Variants in ZNF804B observed in about 807,000 individuals in gnomAD.
ZNF804B encodes zinc finger protein 804B, also known as zinc finger 804B.
In ZNF804B, 80 loss-of-function variants were observed where a neutral mutation model predicts 101.4. The ratio of observed to expected loss-of-function variants is 0.79; its 90% CI spans 0.66 to 0.95. ZNF804B has a LOEUF of 0.95. Ranked by LOEUF, ZNF804B falls within the 40% of genes least tolerant of loss-of-function variation. The pLI is 0.00. For synonymous variants in ZNF804B, 622 were observed against 558.8 expected (o/e 1.11, Z -1.59); for missense variants, 1,673 against 1,561.9 (o/e 1.07, Z -1.20).
chr7:88,766,622 C>A (rs766740924), intron 1 of ZNF804B, among the ~76,000 whole-genome samples: 26 of 152,216 alleles, frequency 1.7e-4, no homozygotes, highest in Non-Finnish European at 3.4e-4. Flanking sequence ...CATGATATAC[C>A]CTTCTCTGCT....
intron 2 of ZNF804B, among the ~76,000 whole-genome samples, chr7:89,234,483 G>A (rs1216114765): frequency 2.0e-5 from 3 of 152,058 alleles, no homozygotes; most frequent in Non-Finnish European, 4.4e-5. Flanking sequence ...CACCTGTGAT[G>A]GTTAATATTA....
chr7:88,889,968 G>A (rs1473615057), intron 1 of ZNF804B, among the ~76,000 whole-genome samples: 2 of 151,990 alleles, frequency 1.3e-5, no homozygotes, highest in African/African-American at 4.8e-5. Flanking sequence ...GAGAGATAGG[G>A]GTCTAGTTTC....
intron 1 of ZNF804B, among the ~76,000 whole-genome samples, chr7:89,130,925 G>A (rs1345948933): frequency 2.0e-5 from 3 of 151,910 alleles, no homozygotes; most frequent in South Asian, 2.1e-4. Context: ...GGAACTGAAC[G>A]ACCAAAGTTT....
chr7:88,876,998 G>GAAA (rs1161171786), intron 1 of ZNF804B, among the ~76,000 whole-genome samples: 654 of 53,720 alleles, frequency 0.012, 22 homozygotes, highest in East Asian at 0.069. Flanking sequence ...GAGAATATTT[G>GAAA]AAAAAAAAAA....
At chr7:88,949,615 A>G (rs1314090044) in intron 1 of ZNF804B, among the ~76,000 whole-genome samples, 1 of 151,872 alleles carries the variant, frequency 6.6e-6, no homozygotes, top group Non-Finnish European at 1.5e-5. Context: ...CTATTGACCA[A>G]TTTATCTAAA....
chr7:89,157,453 T>C (rs1380082379), intron 1 of ZNF804B, among the ~76,000 whole-genome samples: 3 of 152,180 alleles, frequency 2.0e-5, no homozygotes, highest in Non-Finnish European at 4.4e-5. Context: ...CATATTGTCA[T>C]CTACCAATAT....
intron 1 of ZNF804B, among the ~76,000 whole-genome samples, chr7:88,895,584 C>T (rs1444757259): frequency 6.6e-6 from 1 of 152,150 alleles, no homozygotes; most frequent in Non-Finnish European, 1.5e-5. Flanking sequence ...TAATACCATC[C>T]TCCAACGAAA....
At chr7:89,241,602 C>A (rs1469657827) in intron 2 of ZNF804B, among the ~76,000 whole-genome samples, 1 of 152,094 alleles carries the variant, frequency 6.6e-6, no homozygotes, top group African/African-American at 2.4e-5. Context: ...CTGTCTTTAA[C>A]CTCTGAGTAC....
chr7:89,010,719 CT>C (rs755134060), intron 1 of ZNF804B, among the ~76,000 whole-genome samples: 86 of 152,290 alleles, frequency 5.6e-4, no homozygotes, highest in Non-Finnish European at 1.1e-3. Flanking sequence ...AAAGCTCTCT[CT>C]TTTAAGGGCT....
chr7:88,830,508 A>G (rs939531307), intron 1 of ZNF804B, among the ~76,000 whole-genome samples: 1 of 152,026 alleles, frequency 6.6e-6, no homozygotes, highest in African/African-American at 2.4e-5. Context: ...TTTATACTCA[A>G]AATGTTAACA....
chr7:88,856,680 G>C lies in ZNF804B; in HGVS notation c.108+96596G>C, dbSNP rs371877287. ...TGGTGAGAGAGAGCATCCCTGTCTTGTGCCAGTTTTCAAAGGGAATGCTTC... is the reference window on the plus strand; with the variant it reads ...TGGTGAGAGAGAGCATCCCTGTCTTCTGCCAGTTTTCAAAGGGAATGCTTC... On this transcript the variant is annotated intron_variant, in intron 1 of 3. Coordinates refer to ENST00000333190, the MANE Select transcript of ZNF804B (RefSeq NM_181646.5). Among the ~76,000 whole-genome samples the C allele has an allele frequency of 2.6e-5, 4 of 152,074 alleles. No homozygotes were observed. In the East Asian group the frequency reaches 5.8e-4, roughly 22 times the overall value.
At chr7:89,284,661 G>A (rs1790153813) in intron 2 of ZNF804B, among the ~76,000 whole-genome samples, 2 of 152,062 alleles carry the variant, frequency 1.3e-5, no homozygotes, top group Admixed American at 6.6e-5. Context: ...TTTATGTGGG[G>A]GCAGGATTGC....
chr7:89,165,630 C>T (rs185997347), intron 1 of ZNF804B, among the ~76,000 whole-genome samples: 9 of 152,048 alleles, frequency 5.9e-5, no homozygotes, highest in Admixed American at 3.9e-4. Context: ...ACACACTGTA[C>T]GTAAAATTAA....
chr7:88,969,054 A>C (rs1248866192), intron 1 of ZNF804B, among the ~76,000 whole-genome samples: 4 of 151,548 alleles, frequency 2.6e-5, no homozygotes, highest in African/African-American at 9.7e-5. Flanking sequence ...ATGTTTCTCT[A>C]ATTTCCTTTA....
intron 1 of ZNF804B, among the ~76,000 whole-genome samples, chr7:89,179,686 C>G (rs149354019): frequency 2.6e-5 from 4 of 152,282 alleles, no homozygotes; most frequent in Non-Finnish European, 5.9e-5. Flanking sequence ...TCTGGATGAT[C>G]TTGATGCTTG....
intron 1 of ZNF804B, among the ~76,000 whole-genome samples, chr7:88,818,865 T>G (rs1329660983): frequency 1.3e-5 from 2 of 152,186 alleles, no homozygotes; most frequent in African/African-American, 4.8e-5. Flanking sequence ...CTGTCAGGTC[T>G]ATCACAATAT....
intron 1 of ZNF804B, among the ~76,000 whole-genome samples, chr7:88,853,922 A>G (rs1419956083): frequency 6.6e-6 from 1 of 152,148 alleles, no homozygotes; most frequent in Non-Finnish European, 1.5e-5. Context: ...TAATGATAAG[A>G]TTAAAACGTT....
chr7:89,158,583 A>G (rs1416002843), intron 1 of ZNF804B, among the ~76,000 whole-genome samples: 2 of 96,684 alleles, frequency 2.1e-5, no homozygotes, highest in African/African-American at 6.5e-5. Flanking sequence ...CACCAACTTA[A>G]TGGAATAGAA....
chr7:88,934,986 T>A (rs1792944852), intron 1 of ZNF804B, among the ~76,000 whole-genome samples: 1 of 151,502 alleles, frequency 6.6e-6, no homozygotes, highest in Non-Finnish European at 1.5e-5. Flanking sequence ...TAAGTACCCA[T>A]CAAACAGAGT....
Sources: gnomAD v4.1 joint callset for allele counts (sites outside exome capture counted in the v4.1 genomes callset) on GRCh38, gnomAD v4.1.1 for gene constraint, MANE v1.5 for transcripts, NCBI Gene and HGNC (gene_info 2026-07-23, HGNC 2026-07-21) for gene names.